The following PCDH15 variants were observed in gnomAD, a reference collection of about 807,000 sequenced individuals.
PCDH15 encodes the protein protocadherin related 15.
PCDH15 carries 129 observed loss-of-function variants against 178.5 expected under a neutral mutation model. The ratio of observed to expected loss-of-function variants is 0.72; its 90% CI spans 0.63 to 0.84. PCDH15 has a LOEUF of 0.84. Ranked by LOEUF, PCDH15 falls within the 40% of genes least tolerant of loss-of-function variation. The probability of loss-of-function intolerance (pLI) is 0.00; values close to 1 mark genes in which losing one functional copy is unlikely to be tolerated. For missense variants in PCDH15, 2,230 were observed against 2,099.9 expected, an observed-to-expected ratio of 1.06 and a Z score of -1.21; for synonymous variants, 800 against 732.0, an observed-to-expected ratio of 1.09 and a Z score of -1.50.
chr10:54,053,126 C>T (rs2093814091), intron 18 of PCDH15, among the ~76,000 whole-genome samples: 1 of 152,010 alleles, frequency 6.6e-6, no homozygotes, highest in Admixed American at 6.6e-5. Flanking sequence ...TGTAAGTATA[C>T]TCTTACACAT....
At chr10:54,440,458 T>C (rs1425221550) in intron 3 of PCDH15, among the ~76,000 whole-genome samples, 5 of 151,990 alleles carry the variant, frequency 3.3e-5, no homozygotes, top group African/African-American at 1.2e-4. Context: ...CTTTTCCTTA[T>C]GATTTCATCA....
chr10:53,955,306 A>G (rs2087502672), intron 23 of PCDH15, among the ~76,000 whole-genome samples: 1 of 152,066 alleles, frequency 6.6e-6, no homozygotes, highest in South Asian at 2.1e-4. Flanking sequence ...TAAACCATTG[A>G]TATTTGGTGG....
chr10:54,579,503 A>G lies in PCDH15; in HGVS notation c.92-51626T>C, dbSNP rs577860762. Among the ~76,000 whole-genome samples the G allele has an allele frequency of 2.6e-5, 4 of 152,132 alleles. No homozygotes were observed. The South Asian group carries it at 8.3e-4, about 32-fold the overall frequency. On this transcript the variant is annotated intron_variant, in intron 2 of 37. Transcript: ENST00000644397. ...CAATTCATAAAACAAATACTTCAAA[A>G]CCTATAAAAAGACTTAGGCACAAAA...
intron 3 of PCDH15, among the ~76,000 whole-genome samples, chr10:54,436,022 GA>G: frequency 2.0e-5 from 1 of 49,846 alleles, no homozygotes. Context: ...GAGAGGAGAG[GA>G]GAGGAGAGGA....
chr10:55,162,923 T>A (rs997770339), intron 2 of PCDH15, among the ~76,000 whole-genome samples: 10 of 152,114 alleles, frequency 6.6e-5, no homozygotes, highest in African/African-American at 2.4e-4. Context: ...CTTCTCTAAT[T>A]ATTTTTGTAA....
At chr10:54,814,932 T>C (rs1257764156) in intron 3 of PCDH15, among the ~76,000 whole-genome samples, 1 of 152,144 alleles carries the variant, frequency 6.6e-6, no homozygotes, top group Non-Finnish European at 1.5e-5. Context: ...AAATCTTGTT[T>C]ATTCCCTTGA....
intron 1 of PCDH15, among the ~76,000 whole-genome samples, chr10:54,716,075 G>T (rs11004475): frequency 3.4e-4 from 52 of 152,142 alleles, no homozygotes; most frequent in Admixed American, 1.3e-3. Flanking sequence ...CACATCTCCT[G>T]GTTCTCACAG....
At chr10:55,187,979 C>T (rs187441826) in intron 1 of PCDH15, among the ~76,000 whole-genome samples, 6 of 151,886 alleles carry the variant, frequency 4.0e-5, no homozygotes, top group Non-Finnish European at 7.4e-5. Context: ...TCCGTTAGGA[C>T]GCTATGGCAA....
chr10:54,343,652 G>C (rs1286371942), intron 6 of PCDH15, among the ~76,000 whole-genome samples: 2 of 146,112 alleles, frequency 1.4e-5, no homozygotes, highest in Non-Finnish European at 3.0e-5. Context: ...TGCGGGGGGA[G>C]GTGGGAGGGG....
At chr10:55,528,411 G>C (rs979021363) in intron 2 of PCDH15, among the ~76,000 whole-genome samples, 1 of 151,836 alleles carries the variant, frequency 6.6e-6, no homozygotes, top group African/African-American at 2.4e-5. Context: ...AGTGTGTGAT[G>C]TTCCCCTTCC....
chr10:53,924,230 G>C (rs2084271826), intron 25 of PCDH15, among the ~76,000 whole-genome samples: 2 of 152,234 alleles, frequency 1.3e-5, no homozygotes, highest in Admixed American at 6.5e-5. Context: ...TCGCGAGCCA[G>C]CGTGAGTTCC....
intron 2 of PCDH15, among the ~76,000 whole-genome samples, chr10:55,433,990 A>G (rs1404833307): frequency 1.3e-5 from 2 of 151,030 alleles, no homozygotes; most frequent in Non-Finnish European, 2.9e-5. Context: ...CTCTTTTTCT[A>G]TATTTAACAT....
intron 2 of PCDH15, among the ~76,000 whole-genome samples, chr10:55,380,502 C>A (rs1490794086): frequency 6.6e-6 from 1 of 152,082 alleles, no homozygotes; most frequent in African/African-American, 2.4e-5. Flanking sequence ...GTGCAAAAAG[C>A]AAATTTGTTT....
At chr10:54,849,443 A>G (rs1263546651) in intron 3 of PCDH15, among the ~76,000 whole-genome samples, 1 of 152,158 alleles carries the variant, frequency 6.6e-6, no homozygotes, top group East Asian at 1.9e-4. Context: ...GCTTTAATTT[A>G]GGCCATTTTT....
chr10:54,817,158 TAA>T (rs1397537878), intron 3 of PCDH15, among the ~76,000 whole-genome samples: 3 of 151,948 alleles, frequency 2.0e-5, no homozygotes, highest in African/African-American at 7.2e-5. Flanking sequence ...TAAAATACAT[TAA>T]GAGAAATTTT....
In PCDH15 at chr10:55,614,278, T is replaced by C. The variant is rs139857956; in HGVS notation, c.-156+13347A>G. Among the ~76,000 whole-genome samples, 716 of 152,326 alleles carry C rather than the reference T, an allele frequency of 4.7e-3. 1 individual carries two copies. The highest frequency in any genetic ancestry group is 0.015 in the African/African-American group (626 of 41,580). ...CCTAAAACAGAGATGTTCGTTTTCT[T>C]ATACTCATCTCTAAAATAGAGGTAG... On this transcript the variant is annotated intron_variant, in intron 2 of 5. Transcript: ENST00000613346.
At chr10:54,077,036 C>T (rs1317799304) in intron 17 of PCDH15, among the ~76,000 whole-genome samples, 1 of 152,024 alleles carries the variant, frequency 6.6e-6, no homozygotes, top group Non-Finnish European at 1.5e-5. Context: ...TATATAATCA[C>T]TTTTTTTCTT....
chr10:54,764,369 T>C (rs867695161), intron 1 of PCDH15, among the ~76,000 whole-genome samples: 15 of 152,182 alleles, frequency 9.9e-5, no homozygotes, highest in Middle Eastern at 3.4e-3. Flanking sequence ...CCTAGAGAAA[T>C]GTGACTCCTA....
chr10:54,932,238 C>T (rs1353409097), intron 2 of PCDH15, among the ~76,000 whole-genome samples: 1 of 152,138 alleles, frequency 6.6e-6, no homozygotes, highest in Non-Finnish European at 1.5e-5. Flanking sequence ...CATGTCACTG[C>T]CCATGAAAAC....
Sources: gnomAD v4.1 joint callset for allele counts (sites outside exome capture counted in the v4.1 genomes callset) on GRCh38, gnomAD v4.1.1 for gene constraint, MANE v1.5 for transcripts, NCBI Gene and HGNC (gene_info 2026-07-23, HGNC 2026-07-21) for gene names.